The following SYNE2 variants were observed in gnomAD, a reference collection of about 807,000 sequenced individuals.
SYNE2 encodes spectrin repeat containing nuclear envelope protein 2, also known as nesprin-2.
SYNE2 carries 431 observed loss-of-function variants against 856.3 expected under a neutral mutation model. That is an observed-to-expected ratio of 0.50 (90% CI 0.47 to 0.55). The LOEUF is 0.55. Among genes scored for constraint, SYNE2 ranks in the 20% least tolerant of loss-of-function variants. SYNE2 has a pLI of 0.00. For missense variants in SYNE2, 8,129 were observed against 8,023.2 expected (o/e 1.01, Z -0.50); for synonymous variants, 2,923 against 2,872.3 (o/e 1.02, Z -0.56).
At position 64,130,127 on chromosome 14, in the gene SYNE2, A is replaced by G. The variant is rs746826915; in HGVS notation, c.14219A>G (p.Gln4740Arg). Residue 4740 changes from glutamine (Q) to arginine (R), a missense_variant, in exon 76 of 116, where the codon CAA (glutamine) becomes CGA (arginine). Around this residue, in one of 3 missense-constraint regions of SYNE2, gnomAD observed 5,410 missense variants for 5,284.8 expected, o/e 1.02. Transcript: ENST00000555002. ...LSSPFVTESQ[Q>R]DALLQGMVEL... ...AGCCCTTTCGTCACTGAGAGCCAGC[A>G]AGATGCTTTGTTGCAAGGCATGGTG... 1.2e-6 allele frequency: 2 copies of G among 1,614,208 alleles called. No individual in the cohort carries two copies. Among genetic ancestry groups the G allele is most frequent in the Non-Finnish European group, 1.7e-6 (2 of 1,180,028 alleles).
At chr14:63,994,478 G>A (rs776203104) in intron 22 of SYNE2, among the ~76,000 whole-genome samples, 128 of 152,086 alleles carry the variant, frequency 8.4e-4, no homozygotes, top group African/African-American at 3.0e-3. Context: ...TTAGATTTAC[G>A]GAATTACTGT....
intron 57 of SYNE2, among the ~76,000 whole-genome samples, chr14:64,084,002 G>T (rs1338742654): frequency 2.0e-5 from 3 of 150,290 alleles, no homozygotes; most frequent in African/African-American, 7.4e-5. Context: ...TTGGCTCACC[G>T]CAACCTCCAC....
At chr14:64,207,598 G>A (rs1277139049) in intron 100 of SYNE2, among the ~76,000 whole-genome samples, 2 of 151,102 alleles carry the variant, frequency 1.3e-5, no homozygotes, top group African/African-American at 2.4e-5. Context: ...TAGTAATATA[G>A]TAGTAATCTC....
rs2096562692 is a variant in SYNE2 at position 63,978,613 on chromosome 14, G to A, written c.1407-239G>A. Reference sequence around the variant, plus strand: ...TTTATTACAGGATTTGTCAGTCGGAGAATAGTTTATTCAGAAAATGTTCTG... The same window carrying A: ...TTTATTACAGGATTTGTCAGTCGGAAAATAGTTTATTCAGAAAATGTTCTG... On this transcript the variant is annotated intron_variant, in intron 13 of 115. Coordinates refer to ENST00000555002, the MANE Select transcript of SYNE2 (RefSeq NM_182914.3). Among the ~76,000 whole-genome samples, 3 of 152,138 alleles carry A rather than the reference G, an allele frequency of 2.0e-5. No individual in the cohort carries two copies. The South Asian group carries it at 6.2e-4, about 32-fold the overall frequency.
chr14:64,225,904 C>T lies in SYNE2; in HGVS notation c.*378C>T, dbSNP rs531384672. On this transcript the variant is annotated 3_prime_UTR_variant, in exon 116 of 116. Coordinates refer to ENST00000555002, the MANE Select transcript of SYNE2 (RefSeq NM_182914.3). ...GTGTCCATCACATATATTATAGAAG[C>T]AAGCGAGGACATTCCACCCTAGAAA... The T allele has an allele frequency of 2.2e-6, 1 of 460,638 alleles. No individual in the cohort carries two copies. Among genetic ancestry groups the T allele is most frequent in the East Asian group, 3.6e-5 (1 of 28,026 alleles). 28.5% of individuals were successfully genotyped at this position (460,638 alleles called of 1,614,324 possible).
chr14:63,911,609 A>C (rs1378723979), intron 2 of SYNE2, among the ~76,000 whole-genome samples: 1 of 152,226 alleles, frequency 6.6e-6, no homozygotes, highest in Non-Finnish European at 1.5e-5. Context: ...GCTAGTGAGC[A>C]GTGGAGCTGT....
intron 89 of SYNE2, 67 bp downstream of exon 89, chr14:64,163,648 T>C: frequency 6.3e-7 from 1 of 1,589,714 alleles, no homozygotes; most frequent in Admixed American, 1.7e-5. Flanking sequence ...ATCCCTTGTA[T>C]CCTTTGAAGC....
chr14:64,046,214 G>A (rs1269244688), intron 45 of SYNE2, among the ~76,000 whole-genome samples: 2 of 152,190 alleles, frequency 1.3e-5, no homozygotes, highest in East Asian at 1.9e-4. Flanking sequence ...CAGATGCATT[G>A]TCTCTCTGTG....
chr14:63,951,150 C>CG (rs1362950422), intron 7 of SYNE2, among the ~76,000 whole-genome samples: 1 of 151,970 alleles, frequency 6.6e-6, no homozygotes, highest in African/African-American at 2.4e-5. Flanking sequence ...GAACAGCTGT[C>CG]GAGTTCAAAA....
intron 1 of SYNE2, among the ~76,000 whole-genome samples, chr14:63,787,210 T>C (rs532167797): frequency 1.3e-5 from 2 of 152,330 alleles, no homozygotes; most frequent in South Asian, 4.1e-4. Context: ...TCTTCTCTTC[T>C]AGCTATTTTG....
In SYNE2 at chr14:63,867,397, AAG is replaced by A. The variant is rs71123807; in HGVS notation, c.-52+14268_-52+14269del. ...TCCTCCTCTTAAAAAAAAAAAAAAA[AAG>A]AGAGAGAGAGAGAAAGGGCCAGGTG... is the stretch of plus-strand genomic sequence containing the variant. On this transcript the variant is annotated intron_variant, in intron 1 of 115. Transcript: ENST00000555002. Among the ~76,000 whole-genome samples the A allele has an allele frequency of 4.8e-3, 711 of 147,984 alleles. 95 individuals are homozygous for A. Among genetic ancestry groups the A allele is most frequent in the Middle Eastern group, 0.021 (6 of 282 alleles).
At chr14:64,068,622 G>A (rs2097375626) in intron 51 of SYNE2, among the ~76,000 whole-genome samples, 1 of 152,044 alleles carries the variant, frequency 6.6e-6, no homozygotes, top group Non-Finnish European at 1.5e-5. Context: ...AGCACTTTGG[G>A]TGGCCTAGAC....
At chr14:63,896,658 A>G (rs1414358076) in intron 1 of SYNE2, among the ~76,000 whole-genome samples, 3 of 152,218 alleles carry the variant, frequency 2.0e-5, no homozygotes, top group African/African-American at 7.2e-5. Context: ...CCCAAGGCCG[A>G]GTGGTCAGTG....
chr14:64,219,333 G>A lies in SYNE2; in HGVS notation c.19783G>A (p.Ala6595Thr), dbSNP rs1324163610. 3 of 1,613,950 alleles carry A rather than the reference G, an allele frequency of 1.9e-6. No homozygotes were observed. Among genetic ancestry groups the A allele is most frequent in the East Asian group, 2.2e-5 (1 of 44,882 alleles). Residue 6595 changes from alanine (A) to threonine (T), a missense_variant, in exon 110 of 116, where the codon GCA becomes ACA. Coordinates refer to ENST00000555002, the MANE Select transcript of SYNE2 (RefSeq NM_182914.3). ...CACTACTTGGCTGAAAAAAACTGAA[G>A]CAGAGCTGGAAATGTTAAAGATGGC... Reference protein sequence around the residue: ...AITTWLKKTEAELEMLKMAKP... With the variant: ...AITTWLKKTETELEMLKMAKP...
intron 2 of SYNE2, among the ~76,000 whole-genome samples, chr14:63,932,578 C>G (rs2095775136): frequency 6.6e-6 from 1 of 152,082 alleles, no homozygotes; most frequent in Non-Finnish European, 1.5e-5. Flanking sequence ...GTGGCACACA[C>G]CTGTAGTCCC....
chr14:63,869,100 G>C (rs966303616), intron 1 of SYNE2, among the ~76,000 whole-genome samples: 4 of 152,152 alleles, frequency 2.6e-5, no homozygotes, highest in African/African-American at 9.7e-5. Context: ...CACTCTTCAG[G>C]TAACAAGGAG....
chr14:63,810,533 G>A (rs1330292557), intron 1 of SYNE2, among the ~76,000 whole-genome samples: 2 of 152,028 alleles, frequency 1.3e-5, no homozygotes, highest in Non-Finnish European at 2.9e-5. Context: ...ACTGGCCTGG[G>A]TAAGAATTTC....
At chr14:63,846,248 A>G (rs2139944082) in intron 1 of SYNE2, among the ~76,000 whole-genome samples, 1 of 151,870 alleles carries the variant, frequency 6.6e-6, no homozygotes, top group Middle Eastern at 3.4e-3. Context: ...GGGGCTCACC[A>G]TGTTGCCCAG....
intron 8 of SYNE2, 99 bp from the exon 9 acceptor site, chr14:63,961,426 C>A (rs1237520433): frequency 2.0e-6 from 2 of 985,130 alleles, no homozygotes; most frequent in African/African-American, 3.2e-5. Flanking sequence ...ATTTCCAGAG[C>A]CTGTGAACCA....
Sources: allele counts gnomAD v4.1 joint callset (sites outside exome capture counted in the v4.1 genomes callset), GRCh38; gene constraint gnomAD v4.1.1; regional missense constraint gnomAD v4.1.1; transcripts MANE v1.5; gene names NCBI Gene and HGNC (gene_info 2026-07-23, HGNC 2026-07-21).